Variants in MALRD1 observed in about 807,000 individuals in gnomAD.
MALRD1 encodes MAM and LDL-receptor class A domain-containing protein 1.
A neutral mutation model predicts 242.1 loss-of-function variants in MALRD1; 247 were observed. That is an observed-to-expected ratio of 1.02 (90% CI 0.92 to 1.13). The LOEUF (loss-of-function observed/expected upper bound fraction) is 1.13, where lower values mean the gene tolerates loss of function less well. Ranked by LOEUF, MALRD1 falls within the 50% of genes most tolerant of loss-of-function variation. MALRD1 has a pLI of 0.00. For synonymous variants in MALRD1, 995 were observed against 866.6 expected (o/e 1.15, Z -2.60); for missense variants, 2,989 against 2,533.1 (o/e 1.18, Z -3.86).
At chr10:19,605,459 C>T (rs906441859) in intron 34 of MALRD1, among the ~76,000 whole-genome samples, 17 of 149,468 alleles carry the variant, frequency 1.1e-4, no homozygotes, top group East Asian at 4.0e-4. Context: ...TGAGCCACTG[C>T]GCCTGGACCA....
rs182300006 is a variant in MALRD1, at chr10:19,196,226, A to G, written c.1952-7502A>G. On this transcript the variant is annotated intron_variant, in intron 14 of 39. Transcript: ENST00000454679. ...CACATCTTAAAAATATCTTCTCTTGATCTAATTTCTCCTTCCTGCTAACAT... is the reference window on the plus strand; with the variant it reads ...CACATCTTAAAAATATCTTCTCTTGGTCTAATTTCTCCTTCCTGCTAACAT... Among the ~76,000 whole-genome samples the G allele has an allele frequency of 2.2e-4, 34 of 152,274 alleles. No individual in the cohort carries two copies. The East Asian group carries it at 6.6e-3, about 29-fold the overall frequency.
chr10:19,235,212 G>A (rs1378343719), intron 18 of MALRD1, among the ~76,000 whole-genome samples: 2 of 152,084 alleles, frequency 1.3e-5, no homozygotes, highest in African/African-American at 4.8e-5. Context: ...AGGGGGACAC[G>A]TTTGAAGTAG....
At chr10:19,158,557 A>C (rs1834264589) in intron 12 of MALRD1, among the ~76,000 whole-genome samples, 1 of 152,208 alleles carries the variant, frequency 6.6e-6, no homozygotes, top group Admixed American at 6.5e-5. Flanking sequence ...GAAATAAACA[A>C]AACTGAAAAT....
At position 19,692,351 on chromosome 10, in the gene MALRD1, C is replaced by G. The variant is rs551723933; in HGVS notation, c.6207C>G (p.Tyr2069Ter). The change falls in exon 37 of 40, where the codon TAC (tyrosine) becomes TAG (stop). Residue 2069 changes from tyrosine (Y) to a stop codon, truncating the protein, a stop_gained. Coordinates refer to ENST00000454679, the MANE Select transcript of MALRD1 (RefSeq NM_001142308.3). LOFTEE classifies it high-confidence loss of function. ...ATCCTCCTGCTACAGACTTCACATA[C>G]GCTCAGAATAGTAGGTGACATTATG... ...KFNPPATDFT[Y>*]AQNNTWTLLG... is the part of the protein sequence containing the mutation. The G allele has an allele frequency of 1.3e-6, 2 of 1,535,144 alleles. No homozygotes were observed. Among genetic ancestry groups the G allele is most frequent in the East Asian group, 2.4e-5 (1 of 40,852 alleles).
intron 12 of MALRD1, among the ~76,000 whole-genome samples, chr10:19,163,365 G>A (rs1056107792): frequency 2.0e-5 from 3 of 151,952 alleles, no homozygotes; most frequent in African/African-American, 7.3e-5. Flanking sequence ...CGTGGATGGA[G>A]CTGGAGGCCA....
intron 35 of MALRD1, among the ~76,000 whole-genome samples, chr10:19,611,859 C>G (rs1008219394): frequency 2.6e-5 from 4 of 152,004 alleles, no homozygotes; most frequent in African/African-American, 9.7e-5. Flanking sequence ...TGTGAGTTTT[C>G]TGCCCTGCTA....
chr10:19,364,456 A>T (rs1221803437), intron 26 of MALRD1, among the ~76,000 whole-genome samples: 2 of 152,152 alleles, frequency 1.3e-5, no homozygotes, highest in African/African-American at 2.4e-5. Flanking sequence ...TGTCCTAAGT[A>T]ATATATGTGT....
chr10:19,694,142 A>T lies in MALRD1; in HGVS notation c.6314+1588A>T, dbSNP rs1382145778. Among the ~76,000 whole-genome samples the T allele has an allele frequency of 9.2e-5, 14 of 152,272 alleles. No individual in the cohort carries two copies. In the South Asian group the frequency reaches 2.7e-3, roughly 29 times the overall value. Reference sequence around the variant, plus strand: ...AAAACCCTAGAAGAAAACCTAGGCAATACCATTCAGGACATAGGCATGGGC... The same window carrying T: ...AAAACCCTAGAAGAAAACCTAGGCATTACCATTCAGGACATAGGCATGGGC... On this transcript the variant is annotated intron_variant, in intron 38 of 39. Coordinates refer to ENST00000454679, the MANE Select transcript of MALRD1 (RefSeq NM_001142308.3).
intron 18 of MALRD1, among the ~76,000 whole-genome samples, chr10:19,246,013 G>A (rs568083333): frequency 2.0e-5 from 3 of 152,094 alleles, no homozygotes; most frequent in Non-Finnish European, 2.9e-5. Context: ...TATAAAAAAC[G>A]ATGATGTGTT....
At chr10:19,375,088 C>T (rs1049596180) in intron 26 of MALRD1, among the ~76,000 whole-genome samples, 6 of 151,806 alleles carry the variant, frequency 4.0e-5, no homozygotes, top group Non-Finnish European at 8.8e-5. Context: ...TTTTATTGAC[C>T]GGAGGGAAAA....
intron 34 of MALRD1, among the ~76,000 whole-genome samples, chr10:19,606,634 G>T (rs56094724): frequency 0.022 from 3,317 of 152,182 alleles, 135 homozygotes; most frequent in African/African-American, 0.077. Flanking sequence ...ACATCACAGT[G>T]CTAGACAGTA....
intron 36 of MALRD1, among the ~76,000 whole-genome samples, chr10:19,681,069 C>T (rs1048437369): frequency 6.6e-6 from 1 of 152,028 alleles, no homozygotes; most frequent in African/African-American, 2.4e-5. Flanking sequence ...CTCTGACTGC[C>T]CTTAACATTT....
intron 24 of MALRD1, among the ~76,000 whole-genome samples, chr10:19,338,298 G>T (rs1042570417): frequency 1.3e-5 from 2 of 148,912 alleles, no homozygotes; most frequent in Non-Finnish European, 1.5e-5. Flanking sequence ...TCGTTTCATT[G>T]CCCTAAAAAT....
intron 28 of MALRD1, among the ~76,000 whole-genome samples, chr10:19,440,947 T>G (rs556944718): frequency 5.3e-4 from 81 of 152,158 alleles, no homozygotes; most frequent in African/African-American, 1.1e-3. Flanking sequence ...TGAACTAGTT[T>G]ACAGTCCCAC....
chr10:19,217,369 C>T (rs533046523), intron 18 of MALRD1, among the ~76,000 whole-genome samples: 1 of 152,146 alleles, frequency 6.6e-6, no homozygotes, highest in South Asian at 2.1e-4. Context: ...GCCACTTTTC[C>T]CCTGAAACAT....
In MALRD1 at chr10:19,204,389, G is replaced by T. The variant is rs945914402; in HGVS notation, c.2186G>T (p.Gly729Val). 3.2e-6 allele frequency: 5 copies of T among 1,547,624 alleles called. No individual in the cohort carries two copies. The African/African-American group carries it at 5.5e-5, about 17-fold the overall frequency. Residue 729 changes from glycine to valine, a missense_variant, in exon 16 of 40, where the codon GGA becomes GTA. Physicochemically the swap from Gly to Val is moderately radical, Grantham distance 109. Transcript: ENST00000454679. ...CAGAGCCCAACTTTCAGCCAGACAG[G>T]ACCTGGATGCATACTTTCCTTCTGG... ...KLQSPTFSQT[G>V]PGCILSFWFY...
chr10:19,095,263 CTTAA>C (rs1417302422), intron 4 of MALRD1, among the ~76,000 whole-genome samples: 2 of 152,138 alleles, frequency 1.3e-5, no homozygotes, highest in African/African-American at 4.8e-5. Flanking sequence ...GGCATAGTTT[CTTAA>C]TTGATTGGTT....
In MALRD1 at chr10:19,165,760, G is replaced by T. The variant is rs542543609; in HGVS notation, c.1780G>T (p.Ala594Ser). Residue 594 changes from alanine to serine, a missense_variant, in exon 13 of 40, where the codon GCA becomes TCA. Transcript: ENST00000454679. ...IRFSESQWSHAKIDLIAEAGE... is the reference protein window; with the variant it reads ...IRFSESQWSHSKIDLIAEAGE... ...ATTCTCCGAATCTCAGTGGAGCCACGCAAAAATTGATCTCATTGCAGAAGC... is the reference window on the plus strand; with the variant it reads ...ATTCTCCGAATCTCAGTGGAGCCACTCAAAAATTGATCTCATTGCAGAAGC... The T allele has an allele frequency of 8.9e-6, 11 of 1,231,520 alleles. No homozygotes were observed. The highest frequency in any genetic ancestry group is 1.1e-5 in the Non-Finnish European group (11 of 987,948). The allele number at this position is 1,231,520 out of a possible 1,614,324, so 76.3% of individuals were successfully genotyped here.
chr10:19,235,441 TC>T (rs1838267459), intron 18 of MALRD1, among the ~76,000 whole-genome samples: 1 of 148,848 alleles, frequency 6.7e-6, no homozygotes, highest in Non-Finnish European at 1.5e-5. Context: ...TTTGTTCATG[TC>T]CTTTGCCCAT....
Sources: gnomAD v4.1 joint callset for allele counts (sites outside exome capture counted in the v4.1 genomes callset) on GRCh38, gnomAD v4.1.1 for gene constraint, MANE v1.5 for transcripts, NCBI Gene and HGNC (gene_info 2026-07-23, HGNC 2026-07-21) for gene names.